The following UGT2B7 variants were observed in gnomAD, a reference collection of about 807,000 sequenced individuals.
The protein encoded by UGT2B7 is UDP glucuronosyltransferase family 2 member B7.
In UGT2B7, 51 loss-of-function variants were observed where a neutral mutation model predicts 51.9. That is an observed-to-expected ratio of 0.98 (90% CI 0.78 to 1.24). UGT2B7 has a LOEUF of 1.24. Ranked by LOEUF, UGT2B7 falls within the 50% of genes most tolerant of loss-of-function variation. UGT2B7 has a pLI of 0.00. For missense variants in UGT2B7, 727 were observed against 628.4 expected, an observed-to-expected ratio of 1.16 and a Z score of -1.68; for synonymous variants, 225 against 211.6, an observed-to-expected ratio of 1.06 and a Z score of -0.55.
chr4:69,087,332 A>T (rs1178119612), intron 1 of UGT2B7, among the ~76,000 whole-genome samples: 1 of 152,012 alleles, frequency 6.6e-6, no homozygotes, highest in African/African-American at 2.4e-5. Context: ...GTATTTTGAC[A>T]TAATTTTGTC....
chr4:69,096,080 A>G (rs1473697198), upstream of UGT2B7, among the ~76,000 whole-genome samples: 1 of 152,200 alleles, frequency 6.6e-6, no homozygotes, highest in East Asian at 1.9e-4. Flanking sequence ...ATTTTACACA[A>G]TAATTGATAA....
At chr4:69,081,027 CT>C (rs1435724090) in intron 1 of UGT2B7, among the ~76,000 whole-genome samples, 1 of 152,118 alleles carries the variant, frequency 6.6e-6, no homozygotes, top group Non-Finnish European at 1.5e-5. Flanking sequence ...AACTCTATCA[CT>C]TTACCCAACA....
Position 69,097,220 on chromosome 4 carries a change from C to CA in UGT2B7, c.701dup (p.Phe235ValfsTer3). On this transcript the variant is annotated frameshift_variant, in exon 1 of 6. Coordinates refer to ENST00000305231, the MANE Select transcript of UGT2B7 (RefSeq NM_001074.4). LOFTEE classifies it high-confidence loss of function. Reference sequence around the variant, plus strand: ...AATATTTGACATGAAGAAGTGGGATCAGTTTTATAGTGAAGTTCTAGGTAA... The same window carrying CA: ...AATATTTGACATGAAGAAGTGGGATCAAGTTTTATAGTGAAGTTCTAGGTAA... 1 of 1,611,930 alleles carries CA rather than the reference C, an allele frequency of 6.2e-7. No homozygotes were observed. The highest frequency in any genetic ancestry group is 8.5e-7 in the Non-Finnish European group (1 of 1,179,056).
chr4:69,073,444 G>C (rs533193145), intron 1 of UGT2B7, among the ~76,000 whole-genome samples: 1 of 152,198 alleles, frequency 6.6e-6, no homozygotes, highest in East Asian at 1.9e-4. Context: ...ATTTAAGGAT[G>C]AATTTGTTTT....
At chr4:69,080,083 C>T (rs1454977031) in intron 1 of UGT2B7, among the ~76,000 whole-genome samples, 1 of 151,970 alleles carries the variant, frequency 6.6e-6, no homozygotes, top group Non-Finnish European at 1.5e-5. Flanking sequence ...CCTATTTATG[C>T]AAAGCAAATG....
rs117957380 is a variant in UGT2B7, at chr4:69,078,714, T to C, written c.-158-10758T>C. 1.7e-4 allele frequency among the ~76,000 whole-genome samples: 26 copies of C among 152,266 alleles called. No homozygotes were observed. In the East Asian group the frequency reaches 4.7e-3, roughly 27 times the overall value. On this transcript the variant is annotated intron_variant, in intron 1 of 5. Transcript: ENST00000502942. ...ACCTATCAGCCCTAATCTGCTGTTT[T>C]TGTGCTTCCTGAAGTTCAGATGAAA...
intron 1 of UGT2B7, among the ~76,000 whole-genome samples, chr4:69,083,821 T>C (rs909537198): frequency 6.6e-6 from 1 of 151,328 alleles, no homozygotes; most frequent in Non-Finnish European, 1.5e-5. Context: ...TCATGTCATA[T>C]GCAGAGAGGG....
At chr4:69,107,906 C>T (rs1233088824) in intron 4 of UGT2B7, among the ~76,000 whole-genome samples, 197 bp from the exon 5 acceptor site, 1 of 152,092 alleles carries the variant, frequency 6.6e-6, no homozygotes, top group Admixed American at 6.6e-5. Flanking sequence ...TATTGTTTTG[C>T]AGTCTGAAGT....
At chr4:69,104,987 C>T (rs1719550209) in intron 3 of UGT2B7, among the ~76,000 whole-genome samples, 1 of 152,272 alleles carries the variant, frequency 6.6e-6, no homozygotes, top group East Asian at 1.9e-4. Context: ...ACAACTATCC[C>T]AAGTACCCAC....
chr4:69,073,468 A>T (rs946851465), intron 1 of UGT2B7, among the ~76,000 whole-genome samples: 9 of 152,186 alleles, frequency 5.9e-5, no homozygotes, highest in African/African-American at 2.2e-4. Context: ...TAAAAGATCT[A>T]GAATCCTGAT....
intron 1 of UGT2B7, among the ~76,000 whole-genome samples, chr4:69,079,906 T>C (rs2109873050): frequency 6.6e-6 from 1 of 152,280 alleles, no homozygotes. Flanking sequence ...ATCCTAGCAT[T>C]CCTGAGTTTT....
intron 1 of UGT2B7, among the ~76,000 whole-genome samples, chr4:69,072,072 G>A (rs1216168783): frequency 6.6e-6 from 1 of 151,946 alleles, no homozygotes; most frequent in Non-Finnish European, 1.5e-5. Flanking sequence ...TTTTAATATT[G>A]AGAAATCTTT....
At chr4:69,073,189 T>G (rs968480150) in intron 1 of UGT2B7, among the ~76,000 whole-genome samples, 4 of 152,132 alleles carry the variant, frequency 2.6e-5, no homozygotes, top group African/African-American at 9.7e-5. Context: ...ATCACCACTC[T>G]ATTCATACTC....
intron 1 of UGT2B7, among the ~76,000 whole-genome samples, chr4:69,077,288 T>C (rs1283869809): frequency 9.2e-6 from 1 of 108,550 alleles, no homozygotes; most frequent in East Asian, 2.7e-4. Context: ...CCATATGAAG[T>C]TTAAAGTATT....
chr4:69,058,127 T>C (rs1218247975), intron 1 of UGT2B7, among the ~76,000 whole-genome samples: 12 of 152,174 alleles, frequency 7.9e-5, no homozygotes, highest in Non-Finnish European at 1.5e-5. Flanking sequence ...GCTTGTAGCC[T>C]GAGCTGAGCT....
At chr4:69,069,084 A>C (rs1405355708) in intron 1 of UGT2B7, among the ~76,000 whole-genome samples, 2 of 149,198 alleles carry the variant, frequency 1.3e-5, no homozygotes, top group Non-Finnish European at 3.0e-5. Flanking sequence ...ACAATAAAAA[A>C]ACTTGGAACA....
chr4:69,068,263 A>C (rs1458918812), intron 1 of UGT2B7, among the ~76,000 whole-genome samples: 4 of 151,982 alleles, frequency 2.6e-5, no homozygotes, highest in African/African-American at 9.7e-5. Context: ...ATCACTGATA[A>C]TTTGTAAACA....
At chr4:69,111,114 G>GA (rs924519645) in intron 5 of UGT2B7, among the ~76,000 whole-genome samples, 3 of 151,846 alleles carry the variant, frequency 2.0e-5, no homozygotes, top group African/African-American at 7.3e-5. Flanking sequence ...GGAGAGAGGG[G>GA]AAAAAAATGT....
intron 3 of UGT2B7, among the ~76,000 whole-genome samples, chr4:69,105,915 C>G (rs1353798607): frequency 6.6e-6 from 1 of 151,698 alleles, no homozygotes; most frequent in Non-Finnish European, 1.5e-5. Context: ...CCAAATTACT[C>G]AAAAAGATAT....
Sources: allele counts gnomAD v4.1 joint callset (sites outside exome capture counted in the v4.1 genomes callset), GRCh38; gene constraint gnomAD v4.1.1; transcripts MANE v1.5; gene names NCBI Gene and HGNC (gene_info 2026-07-23, HGNC 2026-07-21).